NRXN1: variants seen among roughly 807,000 people sequenced by gnomAD.
NRXN1 encodes neurexin-1.
A neutral mutation model predicts 150.9 loss-of-function variants in NRXN1; 39 were observed. The ratio of observed to expected loss-of-function variants is 0.26; its 90% confidence interval spans 0.20 to 0.34. The LOEUF (loss-of-function observed/expected upper bound fraction) is 0.34, where lower values mean the gene tolerates loss of function less well. NRXN1 is among the 10% of genes least tolerant of loss of function. The pLI, the probability that NRXN1 is intolerant of heterozygous loss-of-function variation, is 1.00. For synonymous variants in NRXN1, 924 were observed against 757.0 expected, an observed-to-expected ratio of 1.22 and a Z score of -3.62; for missense variants, 1,815 against 1,949.9, an observed-to-expected ratio of 0.93 and a Z score of 1.30.
At position 50,053,377 on chromosome 2, in the gene NRXN1, G is replaced by C. The variant is rs1294187127; in HGVS notation, c.4022C>G (p.Thr1341Ser). 4 of 1,614,028 alleles carry C rather than the reference G, an allele frequency of 2.5e-6. No homozygotes were observed. In the Admixed American group the frequency reaches 6.7e-5, roughly 27 times the overall value. The change falls in exon 21 of 23, where the codon ACT becomes AGT. Residue 1341 changes from threonine to serine, a missense_variant. Transcript: ENST00000401669. ...TGTGGACATCTCTGATTGCATGGCA[G>C]TGGCTGTTGACTCAGTTGTCATAGA... ...PSSMTTESTA[T>S]AMQSEMSTSI...
rs181239287 is a variant in NRXN1 at position 50,295,442 on chromosome 2, T to G, written c.3365-58472A>C. 3.3e-5 allele frequency among the ~76,000 whole-genome samples: 5 copies of G among 152,268 alleles called. No homozygotes were observed. The East Asian group carries it at 9.6e-4, about 29-fold the overall frequency. On this transcript the variant is annotated intron_variant, in intron 17 of 22. Coordinates refer to ENST00000401669, the MANE Select transcript of NRXN1 (RefSeq NM_001330078.2). Reference sequence around the variant, plus strand: ...ATTAAATGGGAATATCACAAAATATTGAGGAAGAGTAAATAATTGTTTAAT... The same window carrying G: ...ATTAAATGGGAATATCACAAAATATGGAGGAAGAGTAAATAATTGTTTAAT...
intron 17 of NRXN1, among the ~76,000 whole-genome samples, chr2:50,379,722 A>T (rs1337576861): frequency 6.6e-6 from 1 of 152,172 alleles, no homozygotes; most frequent in Non-Finnish European, 1.5e-5. Flanking sequence ...GAAGGGTGTA[A>T]AAAAGGAGGA....
chr2:51,027,400 C>A (rs13426386), intron 2 of NRXN1, 102 bp downstream of exon 2: 2 of 1,234,886 alleles, frequency 1.6e-6, no homozygotes, highest in Non-Finnish European at 1.1e-6. Flanking sequence ...CGAACTGCCA[C>A]ACGTTTGCCA....
chr2:50,502,656 T>G (rs10174437), intron 13 of NRXN1, among the ~76,000 whole-genome samples: 8 of 152,080 alleles, frequency 5.3e-5, no homozygotes, highest in African/African-American at 1.7e-4. Context: ...GATGAAAACA[T>G]ATGAAAGTAT....
At chr2:50,584,877 G>A (rs1390842480) in intron 8 of NRXN1, among the ~76,000 whole-genome samples, 1 of 152,098 alleles carries the variant, frequency 6.6e-6, no homozygotes, top group South Asian at 2.1e-4. Context: ...GAAATGAGAA[G>A]GTAAATGTAT....
chr2:49,950,966 C>G (rs953143657), intron 21 of NRXN1, among the ~76,000 whole-genome samples: 1 of 151,928 alleles, frequency 6.6e-6, no homozygotes, highest in African/African-American at 2.4e-5. Context: ...AAAAGGCAGA[C>G]TTGAAAGCCA....
At chr2:50,494,184 A>G (rs770420886) in intron 15 of NRXN1, among the ~76,000 whole-genome samples, 2 of 152,178 alleles carry the variant, frequency 1.3e-5, no homozygotes, top group Non-Finnish European at 2.9e-5. Flanking sequence ...TGGACCCTCA[A>G]TGTGTAGGGC....
intron 17 of NRXN1, among the ~76,000 whole-genome samples, chr2:50,302,547 C>A (rs1424472398): frequency 6.6e-6 from 1 of 152,132 alleles, no homozygotes; most frequent in East Asian, 1.9e-4. Context: ...TGACTTCTGC[C>A]CTCTATTTTC....
At chr2:50,970,009 A>C (rs1284383297) in intron 2 of NRXN1, among the ~76,000 whole-genome samples, 1 of 151,792 alleles carries the variant, frequency 6.6e-6, no homozygotes, top group Non-Finnish European at 1.5e-5. Context: ...ATCTGTCTAG[A>C]CTCTTCCTGG....
chr2:50,211,229 C>T (rs1018347371), intron 18 of NRXN1, among the ~76,000 whole-genome samples: 33 of 151,626 alleles, frequency 2.2e-4, no homozygotes, highest in African/African-American at 8.0e-4. Flanking sequence ...TGAAAAACCT[C>T]CCCTTAAATG....
rs796210849 is a variant in NRXN1, at chr2:50,000,116, C to T, written c.4128+53155G>A. Among the ~76,000 whole-genome samples the T allele has an allele frequency of 3.1e-4, 47 of 152,274 alleles. 1 individual carries two copies. Among genetic ancestry groups the T allele is most frequent in the African/African-American group, 1.1e-3 (46 of 41,570 alleles). On this transcript the variant is annotated intron_variant, in intron 21 of 22. Transcript: ENST00000401669. ...AAAGTTGCTACATAGTGATAAACTG[C>T]TTGTATCCTGATATGATGAACTAAT...
intron 5 of NRXN1, among the ~76,000 whole-genome samples, chr2:50,631,909 G>A (rs997304429): frequency 7.9e-5 from 12 of 151,868 alleles, no homozygotes; most frequent in African/African-American, 2.9e-4. Context: ...CTTTTAACCT[G>A]AAGAAAATCA....
At chr2:50,198,959 A>T (rs1268447130) in intron 18 of NRXN1, among the ~76,000 whole-genome samples, 1 of 152,174 alleles carries the variant, frequency 6.6e-6, no homozygotes. Flanking sequence ...GACACTCCCC[A>T]GTAGCTGCCC....
chr2:50,552,714 C>T lies in NRXN1; in HGVS notation c.1632G>A (p.Glu544=). 1 of 1,613,980 alleles carries T rather than the reference C, an allele frequency of 6.2e-7. No homozygotes were observed. Among genetic ancestry groups the T allele is most frequent in the Non-Finnish European group, 8.5e-7 (1 of 1,179,878 alleles). ...GGAGGTAGAGGTGGCCATCTAGCAT[C>T]TCAATAGCAAAGAAGTCCACCTTTA... The part of the protein sequence containing the change: ...QMIKVDFFAI[E]MLDGHLYLLL... The change falls in exon 9 of 23, where the codon GAG becomes GAA. Residue 544 remains glutamate (E), a synonymous_variant. Transcript: ENST00000401669.
At chr2:50,779,880 C>T (rs1704135453) in intron 5 of NRXN1, among the ~76,000 whole-genome samples, 1 of 152,134 alleles carries the variant, frequency 6.6e-6, no homozygotes, top group African/African-American at 2.4e-5. Context: ...TGGGTATATA[C>T]CCAGTAATGG....
intron 19 of NRXN1, among the ~76,000 whole-genome samples, chr2:50,059,809 A>T (rs1205962093): frequency 1.3e-5 from 2 of 152,148 alleles, no homozygotes; most frequent in Non-Finnish European, 2.9e-5. Context: ...GCTTACATGT[A>T]GTGTTGAGCC....
chr2:50,360,989 T>C (rs2079149438), intron 17 of NRXN1, among the ~76,000 whole-genome samples: 1 of 152,110 alleles, frequency 6.6e-6, no homozygotes. Flanking sequence ...ACACGGAAAC[T>C]GAACAACCTG....
chr2:50,893,304 G>T (rs1681372689), intron 5 of NRXN1, among the ~76,000 whole-genome samples: 1 of 152,092 alleles, frequency 6.6e-6, no homozygotes, highest in Admixed American at 6.5e-5. Flanking sequence ...TATAGTATAT[G>T]ACTAATGCCA....
At chr2:50,474,683 CAAAAAA>C (rs754558377) in intron 15 of NRXN1, among the ~76,000 whole-genome samples, 5 of 54,994 alleles carry the variant, frequency 9.1e-5, no homozygotes, top group African/African-American at 1.6e-4. Flanking sequence ...ACAGAAATAG[CAAAAAA>C]AAAAAAAAAA....
Sources: allele counts gnomAD v4.1 joint callset (sites outside exome capture counted in the v4.1 genomes callset), GRCh38; gene constraint gnomAD v4.1.1; transcripts MANE v1.5; gene names NCBI Gene and HGNC (gene_info 2026-07-23, HGNC 2026-07-21).